CCDC112: variants seen among roughly 807,000 people sequenced by gnomAD.
CCDC112 encodes coiled-coil domain-containing protein 112.
In CCDC112, 40 loss-of-function variants were observed where a neutral mutation model predicts 66.3. The observed-to-expected ratio is 0.60, with a 90% confidence interval of 0.47 to 0.79. The LOEUF is 0.79. CCDC112 is among the 30% of genes least tolerant of loss of function. The pLI is 0.00. For missense variants in CCDC112, 659 were observed against 603.8 expected, an observed-to-expected ratio of 1.09 and a Z score of -0.96; for synonymous variants, 214 against 197.2, an observed-to-expected ratio of 1.09 and a Z score of -0.71.
chr5:115,285,948 G>C (rs1749656843), intron 1 of CCDC112, among the ~76,000 whole-genome samples: 1 of 152,208 alleles, frequency 6.6e-6, no homozygotes, highest in African/African-American at 2.4e-5. Context: ...AAAATGGGTT[G>C]TGGGGGATGA....
chr5:115,279,859 A>T (rs1254468203), intron 2 of CCDC112, 91 bp from the exon 3 acceptor site: 4 of 706,864 alleles, frequency 5.7e-6, no homozygotes, highest in Non-Finnish European at 9.0e-6. Flanking sequence ...CGTATTTTAT[A>T]TTTGGATTAA....
chr5:115,294,358 C>T (rs1267078638), intron 1 of CCDC112, among the ~76,000 whole-genome samples: 1 of 152,036 alleles, frequency 6.6e-6, no homozygotes, highest in Admixed American at 6.6e-5. Flanking sequence ...AACTAGTGTT[C>T]CTATAAGAAG....
intron 1 of CCDC112, among the ~76,000 whole-genome samples, chr5:115,290,899 C>CTA (rs956924435): frequency 6.6e-6 from 1 of 151,920 alleles, no homozygotes; most frequent in African/African-American, 2.4e-5. Context: ...GTGTGAATCC[C>CTA]TTAGAATTTT....
At chr5:115,284,941 T>A (rs768128219) in intron 1 of CCDC112, 33 bp from the exon 2 acceptor site, 1 of 1,579,124 alleles carries the variant, frequency 6.3e-7, no homozygotes, top group South Asian at 1.2e-5. Flanking sequence ...TTAACAGTAA[T>A]GAAAATAGTA....
At position 115,268,916 on chromosome 5, in the gene CCDC112, T is replaced by C; in HGVS notation, c.1513A>G (p.Thr505Ala). Residue 505 changes from threonine (T) to alanine (A), a missense_variant, in exon 9 of 10, where the codon ACA (threonine) becomes GCA (alanine). Thr to Ala is a moderately conservative substitution (Grantham distance 58). Coordinates refer to ENST00000379611, the MANE Select transcript of CCDC112 (RefSeq NM_001040440.3). ...WEERTKKIGP[T>A]GSGPLLHIPH... is the part of the protein sequence containing the mutation. ...ATATGTAGAAGTGGCCCAGAGCCTG[T>C]TGGTCCTATCTTTTTGGTTCGTTCT... is the stretch of plus-strand genomic sequence containing the variant. The C allele has an allele frequency of 6.2e-7, 1 of 1,606,114 alleles. No homozygotes were observed. The highest frequency in any genetic ancestry group is 1.1e-5 in the South Asian group (1 of 90,274).
intron 2 of CCDC112, chr5:115,280,486 A>G (rs145560748): frequency 2.0e-5 from 3 of 152,294 alleles, no homozygotes; most frequent in African/African-American, 7.2e-5. Context: ...GCACCCTAAG[A>G]GAAAACAAAA....
At chr5:115,279,206 G>C (rs1364711555) in intron 3 of CCDC112, among the ~76,000 whole-genome samples, 1 of 152,126 alleles carries the variant, frequency 6.6e-6, no homozygotes, top group Non-Finnish European at 1.5e-5. Context: ...GCAATTATCT[G>C]ACTTGATCAC....
intron 1 of CCDC112, among the ~76,000 whole-genome samples, chr5:115,291,452 GT>G (rs1749925822): frequency 6.6e-6 from 1 of 151,910 alleles, no homozygotes; most frequent in Non-Finnish European, 1.5e-5. Context: ...TTCTTGTGAT[GT>G]TTTTTGTTTG....
chr5:115,291,034 GAGT>G (rs1379929900), intron 1 of CCDC112, among the ~76,000 whole-genome samples: 1 of 152,106 alleles, frequency 6.6e-6, no homozygotes, highest in African/African-American at 2.4e-5. Context: ...AAAGTGGTAA[GAGT>G]GGACAATTTT....
Position 115,275,363 on chromosome 5 carries a change from G to T in CCDC112, c.771C>A (p.Asn257Lys), listed in dbSNP as rs372801622. 8 of 1,613,760 alleles carry T rather than the reference G, an allele frequency of 5.0e-6. No individual in the cohort carries two copies. Among genetic ancestry groups the T allele is most frequent in the Non-Finnish European group, 6.8e-6 (8 of 1,179,980 alleles). The change falls in exon 6 of 10, where the codon AAC becomes AAA. Residue 257 changes from asparagine to lysine, a missense_variant. Coordinates refer to ENST00000379611, the MANE Select transcript of CCDC112 (RefSeq NM_001040440.3). ...TATGTTTGTTTCTCACCTTTACAAA[G>T]TTCTGGTGATCATAATCATCCCAGG... ...QGAWDDYDHQ[N>K]FVKVRNKHKG...
chr5:115,296,471 C>T lies in CCDC112; in HGVS notation c.73G>A (p.Ala25Thr). Residue 25 changes from alanine (A) to threonine (T), a missense_variant, in exon 1 of 10, where the codon GCG (alanine) becomes ACG (threonine). Ala to Thr is a moderately conservative substitution (Grantham distance 58). Transcript: ENST00000379611. Reference sequence around the variant, plus strand: ...GCTCCCACGCCGGTCCCGGTGGCCGCGCCCGCCCCTGCCACAGCCCCGGCT... The same window carrying T: ...GCTCCCACGCCGGTCCCGGTGGCCGTGCCCGCCCCTGCCACAGCCCCGGCT... ...AVAGAVAGAG[A>T]ATGTGVGATP... The T allele has an allele frequency of 6.5e-7, 1 of 1,549,752 alleles. No individual in the cohort carries two copies.
chr5:115,268,424 C>A (rs1380946524), intron 9 of CCDC112, among the ~76,000 whole-genome samples: 1 of 151,858 alleles, frequency 6.6e-6, no homozygotes, highest in Non-Finnish European at 1.5e-5. Flanking sequence ...TGCACACCAC[C>A]ATGCCTGGCT....
intron 1 of CCDC112, chr5:115,289,007 TA>T: frequency 3.5e-6 from 1 of 287,814 alleles, no homozygotes; most frequent in Non-Finnish European, 6.7e-6. Context: ...TTTTTTTTTT[TA>T]ACCAAATTCA....
chr5:115,282,347 C>T (rs1321523119), intron 2 of CCDC112, among the ~76,000 whole-genome samples: 1 of 152,096 alleles, frequency 6.6e-6, no homozygotes, highest in Non-Finnish European at 1.5e-5. Flanking sequence ...TTCATCTATC[C>T]ATCTATCTTT....
intron 1 of CCDC112, among the ~76,000 whole-genome samples, chr5:115,285,669 G>A (rs558420445): frequency 1.3e-5 from 2 of 152,126 alleles, no homozygotes; most frequent in African/African-American, 2.4e-5. Flanking sequence ...CACTTAGGGG[G>A]TCTGGATTTT....
rs188877722 is a variant in CCDC112 at position 115,286,626 on chromosome 5, G to A, written c.118-1718C>T. On this transcript the variant is annotated intron_variant, in intron 1 of 9. Transcript: ENST00000379611. ...CTTTCCCATTTTGAAAAATTGGGTG[G>A]CATAGTGGGGCCTGGTGGCTCATGC... is the stretch of plus-strand genomic sequence containing the variant. Among the ~76,000 whole-genome samples, 491 of 152,222 alleles carry A rather than the reference G, an allele frequency of 3.2e-3. 3 individuals are homozygous for A. Among genetic ancestry groups the A allele is most frequent in the Non-Finnish European group, 4.8e-3 (324 of 68,018 alleles).
intron 2 of CCDC112, 39 bp downstream of exon 2, chr5:115,284,748 G>A (rs763482492): frequency 9.4e-6 from 14 of 1,491,864 alleles, no homozygotes; most frequent in East Asian, 6.8e-5. Context: ...TTATAAAATG[G>A]CTAGTAATGT....
At chr5:115,284,734 T>C (rs1749602694) in intron 2 of CCDC112, 53 bp downstream of exon 2, 7 of 1,421,220 alleles carry the variant, frequency 4.9e-6, no homozygotes, top group East Asian at 2.3e-5. Context: ...TTTTTTATTG[T>C]CCATTATAAA....
chr5:115,286,128 C>G (rs1192232767), intron 1 of CCDC112, among the ~76,000 whole-genome samples: 1 of 152,084 alleles, frequency 6.6e-6, no homozygotes, highest in South Asian at 2.1e-4. Context: ...GTTTTGTAAC[C>G]ATCATGACTA....
Sources: gnomAD v4.1 joint callset for allele counts (sites outside exome capture counted in the v4.1 genomes callset) on GRCh38, gnomAD v4.1.1 for gene constraint, MANE v1.5 for transcripts, NCBI Gene and HGNC (gene_info 2026-07-23, HGNC 2026-07-21) for gene names.